Variants in HMCN1 observed in about 807,000 individuals in gnomAD.
HMCN1 encodes hemicentin 1.
In HMCN1, 321 loss-of-function variants were observed where a neutral mutation model predicts 625.9. The observed-to-expected ratio is 0.51, with a 90% CI of 0.47 to 0.56. The LOEUF (loss-of-function observed/expected upper bound fraction) is 0.56. Ranked by LOEUF, HMCN1 falls within the 20% of genes least tolerant of loss-of-function variation. The pLI, the probability that HMCN1 is intolerant of heterozygous loss-of-function variation, is 0.00. For missense variants in HMCN1, 6,588 were observed against 6,887.3 expected, an observed-to-expected ratio of 0.96 and a Z score of 1.54; for synonymous variants, 2,425 against 2,417.6, an observed-to-expected ratio of 1.00 and a Z score of -0.09.
chr1:185,852,577 TACACACACAC>T (rs67719442), intron 2 of HMCN1, among the ~76,000 whole-genome samples: 2,683 of 135,590 alleles, frequency 0.02, 66 homozygotes, highest in African/African-American at 0.064. Flanking sequence ...ACAAATATCC[TACACACACAC>T]ACACACACAC....
chr1:185,747,169 A>C (rs1571297951), intron 1 of HMCN1, among the ~76,000 whole-genome samples: 1 of 152,150 alleles, frequency 6.6e-6, no homozygotes, highest in East Asian at 1.9e-4. Context: ...TTTCTGATCA[A>C]AATATTTGCA....
chr1:186,132,312 C>T lies in HMCN1; in HGVS notation c.13231-16C>T, dbSNP rs1471733902. ...GTAGGCTCATATTTTTGTAAAAACG[C>T]TGCTTATTTCCATAGAATGAAGATG... On this transcript the variant is annotated splice_polypyrimidine_tract_variant and intron_variant, in intron 85 of 106. Transcript: ENST00000271588. The T allele has an allele frequency of 1.9e-6, 3 of 1,605,058 alleles. No individual in the cohort carries two copies. In the Admixed American group the frequency reaches 5.0e-5, roughly 27 times the overall value.
rs1362410061 is a variant in HMCN1, at chr1:186,064,547, C to T, written c.7514-691C>T. Reference sequence around the variant, plus strand: ...CTATGAGGCCAGGCACGGTGGCTCACGCCTGTAATCCCAGCACTTTGGGAG... The same window carrying T: ...CTATGAGGCCAGGCACGGTGGCTCATGCCTGTAATCCCAGCACTTTGGGAG... On this transcript the variant is annotated intron_variant, in intron 48 of 106. Transcript: ENST00000271588. Among the ~76,000 whole-genome samples, 13 of 151,996 alleles carry T rather than the reference C, an allele frequency of 8.6e-5. No homozygotes were observed. The East Asian group carries it at 1.2e-3, about 14-fold the overall frequency.
At chr1:185,994,414 A>G (rs1392573932) in intron 23 of HMCN1, among the ~76,000 whole-genome samples, 1 of 152,182 alleles carries the variant, frequency 6.6e-6, no homozygotes, top group Non-Finnish European at 1.5e-5. Context: ...GTACATGGAG[A>G]GAAATGCTTT....
chr1:185,750,847 C>T (rs775080534), intron 1 of HMCN1, among the ~76,000 whole-genome samples: 5 of 151,534 alleles, frequency 3.3e-5, no homozygotes, highest in Non-Finnish European at 5.9e-5. Context: ...CCCCCCCTCC[C>T]TCCTATTGGC....
intron 16 of HMCN1, among the ~76,000 whole-genome samples, chr1:185,980,074 A>C (rs1651509981): frequency 6.6e-6 from 1 of 152,158 alleles, no homozygotes; most frequent in African/African-American, 2.4e-5. Flanking sequence ...TCATTTTATT[A>C]TCTTGAAAAA....
Position 186,144,702 on chromosome 1 carries a change from AAGTGAGTGTTGGAAAT to A in HMCN1, c.14266+7_14266+22del, listed in dbSNP as rs779428693. 5.6e-6 allele frequency: 9 copies of A among 1,613,972 alleles called. No homozygotes were observed. The highest frequency in any genetic ancestry group is 5.0e-5 in the Admixed American group (3 of 59,994). On this transcript the variant is annotated splice_donor_variant and splice_donor_5th_base_variant and coding_sequence_variant and intron_variant, in exon 91 of 107. Transcript: ENST00000271588. LOFTEE classifies it high-confidence loss of function. ...ATTTTTGCAACAGTGACCCTTGCCC[AAGTGAGTGTTGGAAAT>A]AGTGAGTCAACATTATACTTTCATA... is the stretch of plus-strand genomic sequence containing the variant.
At chr1:185,817,042 T>A (rs1409679081) in intron 1 of HMCN1, among the ~76,000 whole-genome samples, 2 of 152,194 alleles carry the variant, frequency 1.3e-5, no homozygotes, top group Non-Finnish European at 2.9e-5. Flanking sequence ...GCTCAGTAAA[T>A]ATTTGCAAGT....
At position 185,928,297 on chromosome 1, in the gene HMCN1, C is replaced by A. The variant is rs554624129; in HGVS notation, c.1431-249C>A. 6.8e-4 allele frequency among the ~76,000 whole-genome samples: 103 copies of A among 152,174 alleles called. 1 individual carries two copies. In the South Asian group the frequency reaches 0.021, roughly 31 times the overall value. ...ATTTTGACATAGCTAGAAAATATTT[C>A]TCTAAATAAATTTTCAATCTCTATA... On this transcript the variant is annotated intron_variant, in intron 9 of 106. Transcript: ENST00000271588.
At chr1:185,930,316 G>C (rs892398297) in intron 10 of HMCN1, among the ~76,000 whole-genome samples, 1 of 152,140 alleles carries the variant, frequency 6.6e-6, no homozygotes, top group Non-Finnish European at 1.5e-5. Flanking sequence ...ACTTGAAAGA[G>C]AGGACATTTT....
At chr1:186,028,328 A>G (rs556899267) in intron 36 of HMCN1, among the ~76,000 whole-genome samples, 1 of 152,326 alleles carries the variant, frequency 6.6e-6, no homozygotes, top group South Asian at 2.1e-4. Flanking sequence ...TTAAAATAAG[A>G]TCATAAGATA....
chr1:186,010,233 G>A (rs1653910770), intron 30 of HMCN1, among the ~76,000 whole-genome samples: 1 of 151,964 alleles, frequency 6.6e-6, no homozygotes, highest in South Asian at 2.1e-4. Context: ...GTACATGGGT[G>A]TATCTATACA....
chr1:186,133,162 G>GCAATCCCATTACT (rs565922692), intron 86 of HMCN1, among the ~76,000 whole-genome samples: 1 of 151,934 alleles, frequency 6.6e-6, no homozygotes, highest in South Asian at 2.1e-4. Flanking sequence ...TCCCATTACT[G>GCAATCCCATTACT]GGTATATACC....
intron 35 of HMCN1, among the ~76,000 whole-genome samples, chr1:186,021,638 A>G (rs1031138405): frequency 2.0e-5 from 3 of 152,244 alleles, no homozygotes; most frequent in Admixed American, 6.6e-5. Context: ...TTATAACAGT[A>G]TGAATGGAGA....
intron 4 of HMCN1, among the ~76,000 whole-genome samples, chr1:185,870,000 G>C (rs1188776413): frequency 1.3e-5 from 2 of 149,684 alleles, no homozygotes; most frequent in African/African-American, 4.9e-5. Flanking sequence ...TTGAGTTAAA[G>C]TGAAGTTTTT....
chr1:185,842,247 C>T (rs1027359576), intron 1 of HMCN1, among the ~76,000 whole-genome samples: 5 of 152,102 alleles, frequency 3.3e-5, no homozygotes, highest in South Asian at 4.1e-4. Flanking sequence ...AGGTGTTCAA[C>T]GTATTTTTGT....
chr1:186,057,488 T>C (rs1287502318), intron 46 of HMCN1, 87 bp downstream of exon 46: 25 of 975,046 alleles, frequency 2.6e-5, no homozygotes, highest in Non-Finnish European at 3.6e-5. Context: ...AGTGTTTTTA[T>C]TGTTTTATTT....
At chr1:185,736,626 A>G (rs1276692439) in intron 1 of HMCN1, among the ~76,000 whole-genome samples, 1 of 152,258 alleles carries the variant, frequency 6.6e-6, no homozygotes, top group Non-Finnish European at 1.5e-5. Flanking sequence ...AATTGCCTCA[A>G]GTTATACATG....
At chr1:186,144,456 C>T in intron 90 of HMCN1, 77 bp from the exon 91 acceptor site, 1 of 1,609,752 alleles carries the variant, frequency 6.2e-7, no homozygotes, top group Non-Finnish European at 8.5e-7. Flanking sequence ...GAACATCTCT[C>T]AAACTAACAA....
Sources: gnomAD v4.1 joint callset for allele counts (sites outside exome capture counted in the v4.1 genomes callset) on GRCh38, gnomAD v4.1.1 for gene constraint, MANE v1.5 for transcripts, NCBI Gene and HGNC (gene_info 2026-07-23, HGNC 2026-07-21) for gene names.